FOXP2: variants seen among roughly 807,000 people sequenced by gnomAD.
FOXP2 encodes forkhead box protein P2.
FOXP2 carries 12 observed loss-of-function variants against 115.8 expected under a neutral mutation model. That is an observed-to-expected ratio of 0.10 (90% CI 0.07 to 0.17). The LOEUF is 0.17. FOXP2 is among the 10% of genes least tolerant of loss of function. FOXP2 has a pLI of 1.00. For synonymous variants in FOXP2, 328 were observed against 297.7 expected, an observed-to-expected ratio of 1.10 and a Z score of -1.05; for missense variants, 629 against 843.5, an observed-to-expected ratio of 0.75 and a Z score of 3.15.
chr7:114,423,127 T>C (rs1462522901), intron 1 of FOXP2, among the ~76,000 whole-genome samples: 1 of 151,752 alleles, frequency 6.6e-6, no homozygotes, highest in Non-Finnish European at 1.5e-5. Flanking sequence ...ATTTGAAACA[T>C]GTCAAACACA....
At chr7:114,584,706 C>T (rs1301340039) in intron 3 of FOXP2, among the ~76,000 whole-genome samples, 3 of 152,214 alleles carry the variant, frequency 2.0e-5, no homozygotes, top group Non-Finnish European at 4.4e-5. Context: ...GCTTTGCCCA[C>T]TCAAGTCTCT....
At chr7:114,406,202 T>G (rs1380747594) in intron 2 of FOXP2, among the ~76,000 whole-genome samples, 1 of 151,948 alleles carries the variant, frequency 6.6e-6, no homozygotes, top group Non-Finnish European at 1.5e-5. Context: ...TTCACATATG[T>G]AGGGATTACT....
intron 2 of FOXP2, among the ~76,000 whole-genome samples, chr7:114,330,346 C>G (rs911384001): frequency 6.6e-6 from 1 of 151,522 alleles, no homozygotes; most frequent in African/African-American, 2.4e-5. Context: ...AGAAATATTA[C>G]GTGAGGCTGG....
chr7:114,474,611 TA>T (rs1205726924), intron 2 of FOXP2, among the ~76,000 whole-genome samples: 3 of 152,146 alleles, frequency 2.0e-5, no homozygotes, highest in Non-Finnish European at 4.4e-5. Context: ...AGATGATCAG[TA>T]ACAAAACATA....
At chr7:114,554,220 G>A (rs1800347830) in intron 3 of FOXP2, among the ~76,000 whole-genome samples, 3 of 152,030 alleles carry the variant, frequency 2.0e-5, no homozygotes, top group South Asian at 4.1e-4. Context: ...ATGGATTACT[G>A]TTTGGAACAT....
chr7:114,442,416 G>T (rs1046416199), intron 2 of FOXP2, among the ~76,000 whole-genome samples: 11 of 151,500 alleles, frequency 7.3e-5, no homozygotes, highest in African/African-American at 2.7e-4. Context: ...GCACAACTCT[G>T]TAAATTTACT....
In FOXP2 at chr7:114,274,555, T is replaced by C. The variant is rs932829201; in HGVS notation, c.-101-13464T>C. Among the ~76,000 whole-genome samples the C allele has an allele frequency of 4.0e-5, 6 of 150,866 alleles. 1 individual carries two copies. Among genetic ancestry groups the C allele is most frequent in the Admixed American group, 1.3e-4 (2 of 15,058 alleles). ...ATATTTTTCCTTCACTTTTGAAGGATAGTTTCACAGGGTATGGAATTCTGG... is the reference window on the plus strand; with the variant it reads ...ATATTTTTCCTTCACTTTTGAAGGACAGTTTCACAGGGTATGGAATTCTGG... On this transcript the variant is annotated intron_variant, in intron 1 of 17. Transcript: ENST00000634411.
At chr7:114,317,517 A>G (rs923184506) in intron 2 of FOXP2, among the ~76,000 whole-genome samples, 5 of 152,100 alleles carry the variant, frequency 3.3e-5, no homozygotes, top group African/African-American at 1.2e-4. Context: ...TAGTTGCTTC[A>G]TACTATCTCC....
intron 1 of FOXP2, among the ~76,000 whole-genome samples, chr7:114,156,767 T>C (rs1383970620): frequency 7.2e-5 from 11 of 152,184 alleles, no homozygotes; most frequent in Admixed American, 2.0e-4. Flanking sequence ...AGTTTTAATC[T>C]TACTTTTCAT....
At chr7:114,633,768 G>T (rs1023624960) in intron 6 of FOXP2, among the ~76,000 whole-genome samples, 2 of 152,178 alleles carry the variant, frequency 1.3e-5, no homozygotes, top group African/African-American at 4.8e-5. Context: ...CCCAAAACTA[G>T]AGTGGGGAAA....
At chr7:114,092,056 G>A (rs1267589582) in intron 1 of FOXP2, among the ~76,000 whole-genome samples, 6 of 151,800 alleles carry the variant, frequency 4.0e-5, no homozygotes, top group African/African-American at 1.2e-4. Flanking sequence ...AATTATTTTC[G>A]TTAACAAGAG....
chr7:114,414,375 A>C (rs112966452), upstream of FOXP2: 2,391 of 152,624 alleles, frequency 0.016, 37 homozygotes, highest in Non-Finnish European at 0.024. Flanking sequence ...ACAGCTAAGA[A>C]AACATCTGTG....
At chr7:114,396,861 G>A (rs924410349) in intron 2 of FOXP2, among the ~76,000 whole-genome samples, 35 of 152,060 alleles carry the variant, frequency 2.3e-4, no homozygotes, top group Middle Eastern at 3.4e-3. Context: ...AAATGATAAC[G>A]ATGTGAGGTA....
chr7:114,524,236 A>C (rs1483405015), intron 2 of FOXP2, among the ~76,000 whole-genome samples: 3 of 152,098 alleles, frequency 2.0e-5, no homozygotes, highest in African/African-American at 7.2e-5. Context: ...ATAATTTCAG[A>C]GACACTTTTT....
intron 1 of FOXP2, among the ~76,000 whole-genome samples, chr7:114,231,010 C>A (rs1794861639): frequency 6.6e-6 from 1 of 150,696 alleles, no homozygotes; most frequent in African/African-American, 2.4e-5. Flanking sequence ...ACACACAAAT[C>A]CCCATTAGAA....
intron 1 of FOXP2, among the ~76,000 whole-genome samples, chr7:114,121,022 G>C (rs1791548281): frequency 6.6e-6 from 1 of 152,020 alleles, no homozygotes; most frequent in Admixed American, 6.6e-5. Context: ...AGTAGGAGGT[G>C]AAGCATATTT....
intron 1 of FOXP2, among the ~76,000 whole-genome samples, chr7:114,246,738 T>G (rs1202237369): frequency 2.0e-5 from 3 of 152,170 alleles, no homozygotes; most frequent in African/African-American, 7.2e-5. Flanking sequence ...CTCGTCTTAC[T>G]CCTAAAGCTA....
chr7:114,406,447 T>C (rs941782968), intron 2 of FOXP2, among the ~76,000 whole-genome samples: 1 of 151,964 alleles, frequency 6.6e-6, no homozygotes, highest in Non-Finnish European at 1.5e-5. Flanking sequence ...ATTATTTAAA[T>C]GTGATGATTT....
chr7:114,679,700 T>G (rs548534401), intron 16 of FOXP2, among the ~76,000 whole-genome samples: 1 of 152,194 alleles, frequency 6.6e-6, no homozygotes, highest in South Asian at 2.1e-4. Context: ...CTATTTCTAC[T>G]TGGAATGTCC....
Sources: allele counts gnomAD v4.1 joint callset (sites outside exome capture counted in the v4.1 genomes callset), GRCh38; gene constraint gnomAD v4.1.1; transcripts MANE v1.5; gene names NCBI Gene and HGNC (gene_info 2026-07-23, HGNC 2026-07-21).